The following DEK variants were observed in gnomAD, a reference collection of about 807,000 sequenced individuals.
DEK encodes the protein DEK proto-oncogene, also known as protein DEK.
A neutral mutation model predicts 46.8 loss-of-function variants in DEK; 28 were observed. The ratio of observed to expected loss-of-function variants is 0.60; its 90% CI spans 0.44 to 0.82. The LOEUF is 0.82. Among genes scored for constraint, DEK ranks in the 40% least tolerant of loss-of-function variants. The pLI is 0.00. For missense variants in DEK, 416 were observed against 430.6 expected (o/e 0.97, Z 0.30); for synonymous variants, 160 against 144.5 (o/e 1.11, Z -0.77).
At chr6:18,232,309 G>A (rs1214028555) in intron 9 of DEK, among the ~76,000 whole-genome samples, 1 of 152,166 alleles carries the variant, frequency 6.6e-6, no homozygotes, top group East Asian at 1.9e-4. Context: ...GCACAAGACA[G>A]GGATGCCCTC....
At chr6:18,234,165 C>T (rs1790542251) in intron 9 of DEK, among the ~76,000 whole-genome samples, 1 of 131,324 alleles carries the variant, frequency 7.6e-6, no homozygotes, top group South Asian at 2.4e-4. Flanking sequence ...GGAAGGGGAA[C>T]ATCACACATC....
At chr6:18,260,848 G>GA (rs1582302139) in intron 2 of DEK, among the ~76,000 whole-genome samples, 1 of 151,696 alleles carries the variant, frequency 6.6e-6, no homozygotes, top group East Asian at 1.9e-4. Context: ...AAAAAATACA[G>GA]AAAGTACCCG....
intron 1 of DEK, 59 bp from the exon 2 acceptor site, chr6:18,264,055 G>A: frequency 6.7e-7 from 1 of 1,491,332 alleles, no homozygotes; most frequent in Admixed American, 2.4e-5. Flanking sequence ...GCAGGACCGG[G>A]CGGCCACCCT....
At chr6:18,263,352 G>T (rs1208963258) in intron 2 of DEK, among the ~76,000 whole-genome samples, 1 of 152,202 alleles carries the variant, frequency 6.6e-6, no homozygotes, top group Admixed American at 6.5e-5. Flanking sequence ...TTTGGTAAAT[G>T]TAAAAATATT....
chr6:18,244,630 A>T lies in DEK; in HGVS notation c.762+5021T>A, dbSNP rs1407228161. On this transcript the variant is annotated intron_variant, in intron 7 of 10. Coordinates refer to ENST00000652689, the MANE Select transcript of DEK (RefSeq NM_003472.4). ...TGGGTGAACAGATGAACAAAATAAAAATTAGCTTAAAATACACTATTCTTT... is the reference window on the plus strand; with the variant it reads ...TGGGTGAACAGATGAACAAAATAAATATTAGCTTAAAATACACTATTCTTT... The T allele has an allele frequency of 3.4e-6, 4 of 1,189,208 alleles. No homozygotes were observed. The East Asian group carries it at 2.3e-4, about 68-fold the overall frequency. The allele number at this position is 1,189,208 out of a possible 1,614,324, so 73.7% of individuals were successfully genotyped here.
At chr6:18,255,874 C>A in intron 5 of DEK, 23 bp from the exon 6 acceptor site, 2 of 1,588,870 alleles carry the variant, frequency 1.3e-6, no homozygotes, top group Non-Finnish European at 8.5e-7. Context: ...ATGGAAGAAA[C>A]CAAGGTGTTA....
At chr6:18,247,842 T>A (rs995193478) in intron 7 of DEK, among the ~76,000 whole-genome samples, 1 of 152,010 alleles carries the variant, frequency 6.6e-6, no homozygotes, top group Non-Finnish European at 1.5e-5. Flanking sequence ...CCAGCTAATT[T>A]TGTATTTTTA....
chr6:18,259,424 A>ATAAAT (rs1329642539), intron 2 of DEK, among the ~76,000 whole-genome samples: 1 of 144,720 alleles, frequency 6.9e-6, no homozygotes, highest in Non-Finnish European at 1.5e-5. Context: ...AAAAAAAAAA[A>ATAAAT]AAAAAAAAAT....
At position 18,255,711 on chromosome 6, in the gene DEK, A is replaced by C. The variant is rs748680868; in HGVS notation, c.573+20T>G. ...GCTATGAATAACTGATTTATGAAAA[A>C]AATAAAAATTGATCCTCACTTTGCC... On this transcript the variant is annotated intron_variant, in intron 6 of 10. Transcript: ENST00000652689. The C allele has an allele frequency of 7.0e-6, 11 of 1,581,730 alleles. No homozygotes were observed. The highest frequency in any genetic ancestry group is 9.4e-6 in the Non-Finnish European group (11 of 1,171,882).
chr6:18,264,452 C>A lies in DEK; in HGVS notation c.-77G>T. ...GGAGGTTCTGGGAGGCGGCGGCGGC[C>A]GACGCCGAGGAGAAGGCGCGCGGGC... On this transcript the variant is annotated 5_prime_UTR_variant, in exon 1 of 11. Coordinates refer to ENST00000652689, the MANE Select transcript of DEK (RefSeq NM_003472.4). 1 of 280,212 alleles carries A rather than the reference C, an allele frequency of 3.6e-6. No individual in the cohort carries two copies. Among genetic ancestry groups the A allele is most frequent in the South Asian group, 2.9e-5 (1 of 34,204 alleles). 17.4% of individuals were successfully genotyped at this position (280,212 alleles called of 1,614,324 possible). A position where few individuals can be genotyped will look rare whatever the true frequency, so the allele number is the denominator to read the frequency against.
At chr6:18,233,752 CTT>C (rs71559661) in intron 9 of DEK, among the ~76,000 whole-genome samples, 54 of 75,230 alleles carry the variant, frequency 7.2e-4, no homozygotes, top group African/African-American at 3.7e-3. Flanking sequence ...GCTGGTGGGA[CTT>C]TAACTAGTTC....
intron 7 of DEK, among the ~76,000 whole-genome samples, chr6:18,240,939 C>T (rs1044611023): frequency 6.6e-6 from 1 of 152,124 alleles, no homozygotes; most frequent in African/African-American, 2.4e-5. Context: ...CGACATGGCC[C>T]GCAAACATCT....
chr6:18,255,080 TA>T (rs1791545015), intron 6 of DEK, among the ~76,000 whole-genome samples: 1 of 152,172 alleles, frequency 6.6e-6, no homozygotes, highest in South Asian at 2.1e-4. Context: ...CTGACAGACC[TA>T]AATCACACTA....
rs769074388 is a variant in DEK, at chr6:18,249,831, C to T, written c.582G>A (p.Pro194=). 14 of 1,590,302 alleles carry T rather than the reference C, an allele frequency of 8.8e-6. No homozygotes were observed. Among genetic ancestry groups the T allele is most frequent in the East Asian group, 4.5e-5 (2 of 44,650 alleles). ...CTTTGCTACAAGTTTTTTTAGATTT[C>T]GGCAATGGCTGCATAAAAATTTATA... ...MHPKPSGKPL[P]KSKKTCSKGS... Residue 194 remains proline, a synonymous_variant, in exon 7 of 11, where the codon CCG becomes CCA. Transcript: ENST00000652689.
Position 18,257,965 on chromosome 6 carries a change from G to C in DEK, c.345C>G (p.Asn115Lys). ...ELRNLHKLLY[N>K]RPGTVSSLKK... ...AAAAAGGTCTTACAGTGCCTGGCCT[G>C]TTGTAAAGCAGTTTGTGTAGATTTC... The change falls in exon 4 of 11, where the codon AAC (asparagine) becomes AAG (lysine). Residue 115 changes from asparagine (N) to lysine (K), a missense_variant. Transcript: ENST00000652689. 2 of 1,607,308 alleles carry C rather than the reference G, an allele frequency of 1.2e-6. No individual in the cohort carries two copies. Among genetic ancestry groups the C allele is most frequent in the Non-Finnish European group, 1.7e-6 (2 of 1,177,800 alleles).
chr6:18,248,067 A>T (rs1436100784), intron 7 of DEK, among the ~76,000 whole-genome samples: 3 of 152,216 alleles, frequency 2.0e-5, no homozygotes, highest in African/African-American at 7.2e-5. Context: ...TAATAATAAT[A>T]GCAACTAATA....
chr6:18,239,778 C>T (rs886786323), intron 7 of DEK, among the ~76,000 whole-genome samples: 7 of 152,092 alleles, frequency 4.6e-5, no homozygotes, highest in African/African-American at 1.7e-4. Context: ...TTATGACGAA[C>T]TTAAACTAAG....
At chr6:18,264,205 G>C (rs985338729) in intron 1 of DEK, 180 bp downstream of exon 1, 1 of 385,148 alleles carries the variant, frequency 2.6e-6, no homozygotes, top group Non-Finnish European at 4.5e-6. Context: ...GCGGGAAACC[G>C]CGCCCGCTGC....
intron 9 of DEK, among the ~76,000 whole-genome samples, chr6:18,232,092 A>G (rs1292348199): frequency 6.6e-6 from 1 of 152,230 alleles, no homozygotes; most frequent in African/African-American, 2.4e-5. Context: ...TCCATCATAT[A>G]AACAGAACCA....
Sources: allele counts gnomAD v4.1 joint callset (sites outside exome capture counted in the v4.1 genomes callset), GRCh38; gene constraint gnomAD v4.1.1; transcripts MANE v1.5; gene names NCBI Gene and HGNC (gene_info 2026-07-23, HGNC 2026-07-21).